Variants in ENAH observed in about 807,000 individuals in gnomAD.
The protein encoded by ENAH is ENAH actin regulator.
Under a neutral mutation model 78.7 loss-of-function variants are expected in ENAH, and 23 were observed. That is an observed-to-expected ratio of 0.29 (90% CI 0.21 to 0.41). The LOEUF (loss-of-function observed/expected upper bound fraction) is 0.41, where lower values mean the gene tolerates loss of function less well. Ranked by LOEUF, ENAH falls within the 10% of genes least tolerant of loss-of-function variation. ENAH has a pLI of 1.00. For synonymous variants in ENAH, 226 were observed against 241.0 expected (o/e 0.94, Z 0.58); for missense variants, 544 against 691.0 (o/e 0.79, Z 2.39).
At chr1:225,548,241 T>C (rs1210418102) in intron 3 of ENAH, among the ~76,000 whole-genome samples, 3 of 142,790 alleles carry the variant, frequency 2.1e-5, no homozygotes, top group African/African-American at 7.8e-5. Flanking sequence ...GCATTCAAAA[T>C]AACATTTTCT....
chr1:225,623,838 A>G (rs1028490878), intron 1 of ENAH, among the ~76,000 whole-genome samples: 6 of 152,080 alleles, frequency 3.9e-5, no homozygotes, highest in African/African-American at 1.4e-4. Flanking sequence ...ATCCACCTAC[A>G]TCGGCCTCCC....
chr1:225,650,273 A>G (rs1413750116), intron 1 of ENAH, among the ~76,000 whole-genome samples: 1 of 152,216 alleles, frequency 6.6e-6, no homozygotes, highest in Non-Finnish European at 1.5e-5. Flanking sequence ...TGCTTAAATA[A>G]ACTTTTCAGA....
chr1:225,627,864 G>GGAA (rs1443051779), intron 1 of ENAH, among the ~76,000 whole-genome samples: 6 of 152,088 alleles, frequency 3.9e-5, no homozygotes, highest in Admixed American at 3.9e-4. Flanking sequence ...AGCTCTCAAG[G>GGAA]GAAATGTCAT....
chr1:225,526,326 TTCTC>T (rs377166342), intron 4 of ENAH, among the ~76,000 whole-genome samples: 163 of 151,912 alleles, frequency 1.1e-3, no homozygotes, highest in African/African-American at 1.8e-3. Flanking sequence ...ATTTCTTTCT[TTCTC>T]TCTCTCTCTT....
chr1:225,528,623 C>T (rs889073847), intron 4 of ENAH, among the ~76,000 whole-genome samples: 8 of 152,044 alleles, frequency 5.3e-5, no homozygotes, highest in Non-Finnish European at 1.0e-4. Flanking sequence ...TATAAATAAA[C>T]CCATGACCAA....
intron 1 of ENAH, among the ~76,000 whole-genome samples, chr1:225,618,054 G>A (rs1656114721): frequency 6.6e-6 from 1 of 152,198 alleles, no homozygotes; most frequent in Admixed American, 6.5e-5. Flanking sequence ...TAACTGGAAT[G>A]AGCAGGAAAA....
At chr1:225,527,607 A>G (rs1037582124) in intron 4 of ENAH, among the ~76,000 whole-genome samples, 2 of 152,264 alleles carry the variant, frequency 1.3e-5, no homozygotes, top group Non-Finnish European at 2.9e-5. Flanking sequence ...TATATGTCAA[A>G]GAAAAATGAC....
chr1:225,591,764 CAAAAAAAAAAAAAAAAAA>C (rs55680042), intron 1 of ENAH, among the ~76,000 whole-genome samples: 1 of 39,514 alleles, frequency 2.5e-5, no homozygotes, highest in Non-Finnish European at 5.9e-5. Flanking sequence ...GACTCCGTCT[CAAAAAAAAAAAAAAAAAA>C]AAAAAAAAGG....
intron 1 of ENAH, among the ~76,000 whole-genome samples, chr1:225,647,003 C>G (rs1404616179): frequency 6.6e-6 from 1 of 150,744 alleles, no homozygotes; most frequent in African/African-American, 2.4e-5. Flanking sequence ...GAGGTGGGCG[C>G]ATCACGAGGT....
At chr1:225,558,963 C>CTTT (rs760998590) in intron 2 of ENAH, among the ~76,000 whole-genome samples, 16 of 152,050 alleles carry the variant, frequency 1.1e-4, no homozygotes, top group Non-Finnish European at 2.4e-4. Context: ...TTGTTACCCT[C>CTTT]TTTCTATTAA....
chr1:225,517,050 T>C (rs1161204018), intron 6 of ENAH, 146 bp downstream of exon 6: 1 of 574,666 alleles, frequency 1.7e-6, no homozygotes, highest in Non-Finnish European at 2.7e-6. Context: ...TTAATTTTTT[T>C]AATTAAAAAA....
In ENAH at chr1:225,609,234, G is replaced by A. The variant is rs565604292; in HGVS notation, c.6-41820C>T. 1.6e-4 allele frequency among the ~76,000 whole-genome samples: 24 copies of A among 152,130 alleles called. No homozygotes were observed. The South Asian group carries it at 4.8e-3, about 30-fold the overall frequency. On this transcript the variant is annotated intron_variant, in intron 1 of 13. Coordinates refer to ENST00000366843, the MANE Select transcript of ENAH (RefSeq NM_018212.6). ...CCTGATGTGTTTATTATATTAAAAG[G>A]AGAGTTAAACTTTAGTAGTATAGTC...
intron 1 of ENAH, among the ~76,000 whole-genome samples, chr1:225,606,716 A>G (rs2096957301): frequency 6.6e-6 from 1 of 151,284 alleles, no homozygotes; most frequent in Non-Finnish European, 1.5e-5. Flanking sequence ...GGTGGAGTGC[A>G]CCTGTAGTCC....
At chr1:225,581,377 C>T (rs927546388) in intron 1 of ENAH, 2 of 768,214 alleles carry the variant, frequency 2.6e-6, no homozygotes, top group African/African-American at 1.9e-5. Context: ...GCTATAAAGG[C>T]ACCAGGCAGA....
intron 2 of ENAH, among the ~76,000 whole-genome samples, chr1:225,557,039 C>G (rs2096670813): frequency 6.6e-6 from 1 of 152,174 alleles, no homozygotes; most frequent in Non-Finnish European, 1.5e-5. Context: ...ACTGTTGTAG[C>G]TTTATACGAA....
intron 1 of ENAH, among the ~76,000 whole-genome samples, chr1:225,638,267 C>T (rs187094556): frequency 8.9e-4 from 135 of 152,186 alleles, no homozygotes; most frequent in Admixed American, 4.5e-3. Flanking sequence ...AGTGATCCTC[C>T]TACCTCAATC....
intron 1 of ENAH, among the ~76,000 whole-genome samples, chr1:225,585,215 CAAAAAAAAAAAAA>C (rs58586397): frequency 9.8e-4 from 49 of 49,934 alleles, no homozygotes; most frequent in South Asian, 2.6e-3. Context: ...TACCCTGTCT[CAAAAAAAAAAAAA>C]AAAAAAAAAA....
rs774413665 is a variant in ENAH, at chr1:225,567,319, C to T, written c.101G>A (p.Arg34Lys). ...GCCTGTATGGTGATAGATATGAACT[C>T]TGCTGAATCCAGTTGAGCCACCAGC... ...VPAGGSTGFS[R>K]VHIYHHTGNN... The change falls in exon 2 of 14, where the codon AGA becomes AAA. Residue 34 changes from arginine to lysine, a missense_variant. This residue lies in a region of ENAH where 77 missense variants were observed against 151.8 expected (regional missense o/e 0.51). Transcript: ENST00000366843. The T allele has an allele frequency of 6.2e-7, 1 of 1,614,136 alleles. No individual in the cohort carries two copies. Among genetic ancestry groups the T allele is most frequent in the South Asian group, 1.1e-5 (1 of 91,060 alleles).
At chr1:225,593,411 GGGGGGGT>G (rs2096887362) in intron 1 of ENAH, among the ~76,000 whole-genome samples, 3 of 123,882 alleles carry the variant, frequency 2.4e-5, no homozygotes, top group African/African-American at 6.0e-5. Context: ...GGGGGGGGGG[GGGGGGGT>G]GGGGGGTGCC....
Sources: allele counts gnomAD v4.1 joint callset (sites outside exome capture counted in the v4.1 genomes callset), GRCh38; gene constraint gnomAD v4.1.1; regional missense constraint gnomAD v4.1.1; transcripts MANE v1.5; gene names NCBI Gene and HGNC (gene_info 2026-07-23, HGNC 2026-07-21).